The following ITPR3 variants were observed in gnomAD, a reference collection of about 807,000 sequenced individuals.
The protein encoded by ITPR3 is inositol 1,4,5-trisphosphate-gated calcium channel ITPR3.
Under a neutral mutation model 293.2 loss-of-function variants are expected in ITPR3, and 173 were observed. The ratio of observed to expected loss-of-function variants is 0.59; its 90% confidence interval spans 0.52 to 0.67. ITPR3 has a LOEUF of 0.67. Among genes scored for constraint, ITPR3 ranks in the 30% least tolerant of loss-of-function variants. The pLI is 0.00. For synonymous variants in ITPR3, 1,295 were observed against 1,444.4 expected (o/e 0.90, Z 2.35); for missense variants, 2,796 against 3,592.1 (o/e 0.78, Z 5.66).
Position 33,658,081 on chromosome 6 carries a change from T to A in ITPR3, c.369+63T>A. On this transcript the variant is annotated intron_variant, in intron 4 of 57. Coordinates refer to ENST00000605930, the MANE Select transcript of ITPR3 (RefSeq NM_002224.4). The surrounding 1 kb of genome is among the most constrained non-coding windows in gnomAD (Gnocchi z 6.1). ...CCTGCCTAAGAGGCTGGGCTGGTGC[T>A]GGGTGAGGGCTGCCAGCAGGCATTG... 2 of 1,450,032 alleles carry A rather than the reference T, an allele frequency of 1.4e-6. No homozygotes were observed. The highest frequency in any genetic ancestry group is 1.9e-6 in the Non-Finnish European group (2 of 1,040,428). 89.8% of individuals were successfully genotyped at this position (1,450,032 alleles called of 1,614,324 possible). A position where few individuals can be genotyped will look rare whatever the true frequency, so the allele number is the denominator to read the frequency against.
chr6:33,675,363 A>C lies in ITPR3; in HGVS notation c.3117-328A>C, dbSNP rs1158857428. ...TTTGAATCCGGGAGGTGGAGGTTGCAGTGAGCCAAGATCATGCCACTGGCT... is the reference window on the plus strand; with the variant it reads ...TTTGAATCCGGGAGGTGGAGGTTGCCGTGAGCCAAGATCATGCCACTGGCT... On this transcript the variant is annotated intron_variant, in intron 24 of 57. Transcript: ENST00000605930. This position sits in a 1 kb window ranked among gnomAD's most constrained non-coding sequence, Gnocchi z 5.0. 1.3e-5 allele frequency among the ~76,000 whole-genome samples: 2 copies of C among 151,800 alleles called. No homozygotes were observed. The highest frequency in any genetic ancestry group is 4.8e-5 in the African/African-American group (2 of 41,266).
chr6:33,663,757 G>C lies in ITPR3; in HGVS notation c.1025G>C (p.Gly342Ala). ...ATCCAGGGGGCACAGGGCCGCACAG[G>C]CCGCAGGAATGCTGGGGAGAAGATC... The part of the protein sequence containing the change: ...AAGMGAQGRT[G>A]RRNAGEKIKY... The change falls in exon 11 of 58, where the codon GGC becomes GCC. Residue 342 changes from glycine to alanine, a missense_variant. Physicochemically the swap from Gly to Ala is moderately conservative, Grantham distance 60. Around this residue, in one of 8 missense-constraint regions of ITPR3, gnomAD observed 955 missense variants for 1,180.8 expected, o/e 0.81. Transcript: ENST00000605930. The C allele has an allele frequency of 6.2e-7, 1 of 1,614,042 alleles. No individual in the cohort carries two copies. Among genetic ancestry groups the C allele is most frequent in the Non-Finnish European group, 8.5e-7 (1 of 1,180,008 alleles).
chr6:33,693,026 C>A, intron 55 of ITPR3, 133 bp downstream of exon 55: 1 of 837,450 alleles, frequency 1.2e-6, no homozygotes, highest in Non-Finnish European at 1.9e-6. Context: ...TGCATTTGCT[C>A]ATCCCAGAAC....
intron 2 of ITPR3, among the ~76,000 whole-genome samples, chr6:33,641,572 T>A (rs1346252430): frequency 6.6e-6 from 1 of 151,782 alleles, no homozygotes; most frequent in Non-Finnish European, 1.5e-5. Context: ...CTGGTGGAGG[T>A]CTTAGGTGGG....
intron 27 of ITPR3, 91 bp from the exon 28 acceptor site, chr6:33,677,412 CG>C: frequency 2.6e-6 from 4 of 1,556,252 alleles, no homozygotes; most frequent in Non-Finnish European, 3.5e-6. Flanking sequence ...CTTCCTGTCC[CG>C]GGTGCCAGCT....
chr6:33,640,991 T>A (rs1179694546), intron 2 of ITPR3, among the ~76,000 whole-genome samples: 3 of 152,156 alleles, frequency 2.0e-5, no homozygotes, highest in African/African-American at 7.2e-5. Context: ...TTTCCAGAAC[T>A]CTTCTGACCC....
intron 51 of ITPR3, 102 bp downstream of exon 51, chr6:33,690,300 C>G: frequency 8.9e-7 from 1 of 1,129,708 alleles, no homozygotes; most frequent in African/African-American, 1.5e-5. Context: ...TCTGTCCAGT[C>G]CTTTTGCTGC....
At chr6:33,678,163 T>G (rs1764959907) in intron 28 of ITPR3, among the ~76,000 whole-genome samples, 1 of 152,142 alleles carries the variant, frequency 6.6e-6, no homozygotes, top group African/African-American at 2.4e-5. Flanking sequence ...CTGATCTTGA[T>G]CTCAGTATGT....
At position 33,654,051 on chromosome 6, in the gene ITPR3, T is replaced by C. The variant is rs1764252574; in HGVS notation, c.161-1715T>C. ...TGTAGGCCGAAGTGGGTGGATCACT[T>C]GAGGTCAGGAGTTTGAGACCAGCTT... On this transcript the variant is annotated intron_variant, in intron 2 of 57. Coordinates refer to ENST00000605930, the MANE Select transcript of ITPR3 (RefSeq NM_002224.4). The surrounding 1 kb of genome is among the most constrained non-coding windows in gnomAD (Gnocchi z 4.1). Among the ~76,000 whole-genome samples, 1 of 152,164 alleles carries C rather than the reference T, an allele frequency of 6.6e-6. No homozygotes were observed. Among genetic ancestry groups the C allele is most frequent in the African/African-American group, 2.4e-5 (1 of 41,442 alleles).
At position 33,678,681 on chromosome 6, in the gene ITPR3, T is replaced by C; in HGVS notation, c.3814T>C (p.Tyr1272His). ...ETMQHIFLNN[Y>H]QLCSEISEPV... ...CATGCAGCACATCTTCCTGAACAAC[T>C]ATCAGCTCTGCTCCGAGATCAGCGA... is the stretch of plus-strand genomic sequence containing the variant. Residue 1272 changes from tyrosine to histidine, a missense_variant, in exon 30 of 58, where the codon TAT becomes CAT. Physicochemically the swap from Tyr to His is moderately conservative, Grantham distance 83 (BLOSUM62 2). This residue lies in a region of ITPR3 where 344 missense variants were observed against 460.3 expected (regional missense o/e 0.75). Coordinates refer to ENST00000605930, the MANE Select transcript of ITPR3 (RefSeq NM_002224.4). The C allele has an allele frequency of 6.2e-7, 1 of 1,613,068 alleles. No homozygotes were observed. Among genetic ancestry groups the C allele is most frequent in the Non-Finnish European group, 8.5e-7 (1 of 1,179,808 alleles).
At position 33,684,932 on chromosome 6, in the gene ITPR3, A is replaced by G; in HGVS notation, c.5296A>G (p.Thr1766Ala). ...CATCCACCTGCTGGATGGTGGCAAC[A>G]CAGAGATCCAGGTGTGGGGGGCCTG... ...LAIHLLDGGNTEIQKSFHNLM... is the reference protein window; with the variant it reads ...LAIHLLDGGNAEIQKSFHNLM... Residue 1766 changes from threonine (T) to alanine (A), a missense_variant, in exon 39 of 58, where the codon ACA becomes GCA. Coordinates refer to ENST00000605930, the MANE Select transcript of ITPR3 (RefSeq NM_002224.4). The surrounding 1 kb of genome is among the most constrained non-coding windows in gnomAD (Gnocchi z 4.2). The G allele has an allele frequency of 6.2e-7, 1 of 1,611,224 alleles. No homozygotes were observed. Among genetic ancestry groups the G allele is most frequent in the Non-Finnish European group, 8.5e-7 (1 of 1,178,298 alleles).
At position 33,683,575 on chromosome 6, in the gene ITPR3, G is replaced by A. The variant is rs556507248; in HGVS notation, c.4788+178G>A. Among the ~76,000 whole-genome samples, 1 of 152,320 alleles carries A rather than the reference G, an allele frequency of 6.6e-6. No homozygotes were observed. The highest frequency in any genetic ancestry group is 2.4e-5 in the African/African-American group (1 of 41,574). On this transcript the variant is annotated intron_variant, in intron 35 of 57. Transcript: ENST00000605930. This position sits in a 1 kb window ranked among gnomAD's most constrained non-coding sequence, Gnocchi z 4.5. ...CTGCTAAGGGCCGACCCAGCAGCAA[G>A]GGACTGGGGAACCTCCTTCCAGAGG...
chr6:33,685,819 G>A lies in ITPR3; in HGVS notation c.5659G>A (p.Asp1887Asn). 1 of 1,568,626 alleles carries A rather than the reference G, an allele frequency of 6.4e-7. No individual in the cohort carries two copies. Among genetic ancestry groups the A allele is most frequent in the Non-Finnish European group, 8.7e-7 (1 of 1,154,038 alleles). ...LQLLCENHNR[D>N]LQNFLRCQNN... ...GCTGCTGTGTGAGAACCACAACCGG[G>A]ACCTGCAGGTGAGTGCCTCGCCACA... Residue 1887 changes from aspartate (D) to asparagine (N), a missense_variant, in exon 41 of 58, where the codon GAC (aspartate) becomes AAC (asparagine). Asp to Asn is a conservative substitution (Grantham distance 23). This residue lies in a region of ITPR3 where 704 missense variants were observed against 797.5 expected (regional missense o/e 0.88). Coordinates refer to ENST00000605930, the MANE Select transcript of ITPR3 (RefSeq NM_002224.4).
At chr6:33,644,291 T>TC (rs879521338) in intron 2 of ITPR3, among the ~76,000 whole-genome samples, 6 of 151,992 alleles carry the variant, frequency 3.9e-5, no homozygotes, top group Non-Finnish European at 8.8e-5. Flanking sequence ...TTTTTACTTT[T>TC]TTTTTTTTTT....
intron 1 of ITPR3, among the ~76,000 whole-genome samples, chr6:33,627,588 A>C (rs1299026541): frequency 2.6e-5 from 4 of 152,272 alleles, no homozygotes; most frequent in Non-Finnish European, 5.9e-5. Flanking sequence ...TGCATGCCTG[A>C]ACACTTGTCT....
At chr6:33,688,854 T>C in intron 49 of ITPR3, 73 bp downstream of exon 49, 1 of 1,598,278 alleles carries the variant, frequency 6.3e-7, no homozygotes. Flanking sequence ...GGCAGAGCCT[T>C]GAGGCCAGCT....
In ITPR3 at chr6:33,659,185, C is replaced by T. The variant is rs1432126619; in HGVS notation, c.627+66C>T. 4.2e-6 allele frequency: 6 copies of T among 1,430,018 alleles called. No homozygotes were observed. The East Asian group carries it at 9.1e-5, about 22-fold the overall frequency. 88.6% of individuals were successfully genotyped at this position (1,430,018 alleles called of 1,614,324 possible). A position where few individuals can be genotyped will look rare whatever the true frequency, so the allele number is the denominator to read the frequency against. On this transcript the variant is annotated intron_variant, in intron 6 of 57. Coordinates refer to ENST00000605930, the MANE Select transcript of ITPR3 (RefSeq NM_002224.4). ...CACACACCCCTGGTGGTGTAGACAC[C>T]CCGCTCCCTGCCATGGTCTCTGCCT...
In ITPR3 at chr6:33,663,807, C is replaced by T. The variant is rs1229985446; in HGVS notation, c.1075C>T (p.His359Tyr). ...KIKYCLVAVP[H>Y]GNDIASLFEL... Reference sequence around the variant, plus strand: ...CAAGTACTGCCTGGTGGCTGTGCCTCATGGCAATGACATCGCCTCTCTCTT... The same window carrying T: ...CAAGTACTGCCTGGTGGCTGTGCCTTATGGCAATGACATCGCCTCTCTCTT... The change falls in exon 11 of 58, where the codon CAT (histidine) becomes TAT (tyrosine). Residue 359 changes from histidine (H) to tyrosine (Y), a missense_variant. Coordinates refer to ENST00000605930, the MANE Select transcript of ITPR3 (RefSeq NM_002224.4). The T allele has an allele frequency of 1.2e-6, 2 of 1,614,018 alleles. No homozygotes were observed. Among genetic ancestry groups the T allele is most frequent in the Admixed American group, 1.7e-5 (1 of 60,008 alleles).
Position 33,692,046 on chromosome 6 carries a change from C to A in ITPR3, c.7458+118C>A. 2.2e-6 allele frequency: 3 copies of A among 1,361,170 alleles called. No homozygotes were observed. The highest frequency in any genetic ancestry group is 3.1e-6 in the Non-Finnish European group (3 of 973,680). The allele number at this position is 1,361,170 out of a possible 1,614,324, so 84.3% of individuals were successfully genotyped here. A position where few individuals can be genotyped will look rare whatever the true frequency, so the allele number is the denominator to read the frequency against. ...ATATTCAGGGTTGAACCCCCTCCCC[C>A]GAACTTGTATCCACTTTTCCCTGCT... is the stretch of plus-strand genomic sequence containing the variant. On this transcript the variant is annotated intron_variant, in intron 54 of 57. Coordinates refer to ENST00000605930, the MANE Select transcript of ITPR3 (RefSeq NM_002224.4). The surrounding 1 kb of genome is among the most constrained non-coding windows in gnomAD (Gnocchi z 4.2).
Sources: gnomAD v4.1 joint callset for allele counts (sites outside exome capture counted in the v4.1 genomes callset) on GRCh38, gnomAD v4.1.1 for gene constraint, gnomAD v4.1.1 regional missense constraint, Gnocchi (gnomAD v3.1) non-coding constraint, MANE v1.5 for transcripts, NCBI Gene and HGNC (gene_info 2026-07-23, HGNC 2026-07-21) for gene names.